Variants in ZFC3H1 observed in about 807,000 individuals in gnomAD.
The protein encoded by ZFC3H1 is zinc finger C3H1 domain-containing protein.
Under a neutral mutation model 243.7 loss-of-function variants are expected in ZFC3H1, and 71 were observed. The ratio of observed to expected loss-of-function variants is 0.29; its 90% CI spans 0.24 to 0.36. The LOEUF is 0.36. Ranked by LOEUF, ZFC3H1 falls within the 10% of genes least tolerant of loss-of-function variation. The pLI is 1.00. For synonymous variants in ZFC3H1, 838 were observed against 813.0 expected (o/e 1.03, Z -0.52); for missense variants, 1,966 against 2,317.1 (o/e 0.85, Z 3.11).
intron 27 of ZFC3H1, among the ~76,000 whole-genome samples, 197 bp from the exon 28 acceptor site, chr12:71,615,513 TTTTG>T (rs982508071): frequency 5.5e-4 from 83 of 152,232 alleles, no homozygotes; most frequent in East Asian, 1.7e-3. Context: ...AAATGCTTTT[TTTTG>T]TTTGTTTGTT....
chr12:71,627,986 G>C (rs1317768162), intron 20 of ZFC3H1, 52 bp from the exon 21 acceptor site: 6 of 1,526,806 alleles, frequency 3.9e-6, no homozygotes, highest in Non-Finnish European at 5.3e-6. Flanking sequence ...GTCCACAGAT[G>C]CAAGAAAAAG....
Position 71,663,648 on chromosome 12 carries a change from G to A in ZFC3H1, c.-38C>T. ...GCCTTCCACACAACCTTAGCCCTCC[G>A]TCCGGGGATCCGCCCGACAATTGCC... On this transcript the variant is annotated 5_prime_UTR_variant, in exon 1 of 35. It adds an upstream start codon to the 5' untranslated region. Coordinates refer to ENST00000378743, the MANE Select transcript of ZFC3H1 (RefSeq NM_144982.5). 1.9e-6 allele frequency: 3 copies of A among 1,578,962 alleles called. No homozygotes were observed. The highest frequency in any genetic ancestry group is 2.3e-5 in the South Asian group (2 of 88,618).
At chr12:71,638,837 AC>A (rs200965157) in intron 6 of ZFC3H1, among the ~76,000 whole-genome samples, 2,747 of 152,244 alleles carry the variant, frequency 0.018, 69 homozygotes, top group African/African-American at 0.062. Flanking sequence ...ACAAAAAAAA[AC>A]ACAAGCATAT....
intron 1 of ZFC3H1, 147 bp from the exon 2 acceptor site, chr12:71,657,448 T>C: frequency 2.9e-6 from 2 of 700,004 alleles, no homozygotes; most frequent in Non-Finnish European, 4.5e-6. Flanking sequence ...TTCCATTTAA[T>C]GTATGTGCAG....
Position 71,632,050 on chromosome 12 carries a change from C to T in ZFC3H1, c.3282G>A (p.Leu1094=). Reference sequence around the variant, plus strand: ...GTTTTAGGCTGTCAGCTTTTGAATACAATTTTTGCAATTCACCAATTTTTA... The same window carrying T: ...GTTTTAGGCTGTCAGCTTTTGAATATAATTTTTGCAATTCACCAATTTTTA... ...LGLKIGELQK[L]YSKADSLKQL... The change falls in exon 15 of 35, where the codon TTG becomes TTA. Residue 1094 remains leucine (L), a synonymous_variant. Transcript: ENST00000378743. 6.2e-7 allele frequency: 1 copy of T among 1,609,128 alleles called. No homozygotes were observed. Among genetic ancestry groups the T allele is most frequent in the Non-Finnish European group, 8.5e-7 (1 of 1,178,692 alleles).
At chr12:71,616,360 C>G (rs1297374946) in intron 27 of ZFC3H1, among the ~76,000 whole-genome samples, 1 of 152,162 alleles carries the variant, frequency 6.6e-6, no homozygotes, top group African/African-American at 2.4e-5. Flanking sequence ...GCCATACACA[C>G]ATACAACCCA....
chr12:71,641,619 T>C (rs140567645), intron 6 of ZFC3H1, among the ~76,000 whole-genome samples: 19 of 152,346 alleles, frequency 1.2e-4, no homozygotes, highest in African/African-American at 4.6e-4. Flanking sequence ...TTCTAGACTA[T>C]GCAACCTAAA....
At chr12:71,656,366 T>G (rs2137562708) in intron 2 of ZFC3H1, 1 of 449,820 alleles carries the variant, frequency 2.2e-6, no homozygotes, top group Non-Finnish European at 3.9e-6. Context: ...TATCATAAAC[T>G]GTATTAAACG....
intron 17 of ZFC3H1, 39 bp from the exon 18 acceptor site, chr12:71,630,760 A>C: frequency 1.1e-5 from 17 of 1,609,346 alleles, no homozygotes; most frequent in Non-Finnish European, 1.4e-5. Context: ...AATCATGTAC[A>C]TATCAAAGTT....
In ZFC3H1 at chr12:71,611,176, A is replaced by G. The variant is rs1879760034; in HGVS notation, c.5730-79T>C. 3 of 1,375,986 alleles carry G rather than the reference A, an allele frequency of 2.2e-6. No homozygotes were observed. In the African/African-American group the frequency reaches 4.5e-5, roughly 21 times the overall value. 85.2% of individuals were successfully genotyped at this position (1,375,986 alleles called of 1,614,324 possible). ...ATATCTTTGAACAAAATGAAACACC[A>G]CCACTGGCAGAATACTGACTGTGGG... is the stretch of plus-strand genomic sequence containing the variant. On this transcript the variant is annotated intron_variant, in intron 32 of 34. Transcript: ENST00000378743.
intron 6 of ZFC3H1, among the ~76,000 whole-genome samples, chr12:71,639,726 C>T (rs1319536374): frequency 6.6e-6 from 1 of 152,142 alleles, no homozygotes; most frequent in Non-Finnish European, 1.5e-5. Flanking sequence ...AGAGGGTGCC[C>T]TCAGCAAGAG....
At chr12:71,613,918 A>C (rs1471521105) in intron 30 of ZFC3H1, among the ~76,000 whole-genome samples, 3 of 152,204 alleles carry the variant, frequency 2.0e-5, no homozygotes, top group Non-Finnish European at 4.4e-5. Context: ...TATATGTTTT[A>C]GTCTACAATG....
chr12:71,638,555 T>G, intron 6 of ZFC3H1, 40 bp from the exon 7 acceptor site: 2 of 1,449,152 alleles, frequency 1.4e-6, no homozygotes, highest in African/African-American at 2.8e-5. Flanking sequence ...ATAACAGAAA[T>G]ACTTCATCAG....
At chr12:71,647,654 T>C (rs1354760822) in intron 3 of ZFC3H1, 95 bp downstream of exon 3, 1 of 668,826 alleles carries the variant, frequency 1.5e-6, no homozygotes, top group Non-Finnish European at 2.5e-6. Context: ...AGAAAATAAG[T>C]GAAAGTAAGA....
At chr12:71,626,038 CA>C (rs1225253529) in intron 22 of ZFC3H1, among the ~76,000 whole-genome samples, 1 of 151,516 alleles carries the variant, frequency 6.6e-6, no homozygotes. Flanking sequence ...TTAACAACAA[CA>C]AAAAAATCAC....
chr12:71,626,775 C>A (rs1029718594), intron 21 of ZFC3H1, among the ~76,000 whole-genome samples: 13 of 152,276 alleles, frequency 8.5e-5, no homozygotes, highest in African/African-American at 3.1e-4. Flanking sequence ...TGATTTACAC[C>A]ATTTGGGAAT....
chr12:71,610,297 G>T lies in ZFC3H1; in HGVS notation c.*131C>A. 9.1e-7 allele frequency: 1 copy of T among 1,097,052 alleles called. No individual in the cohort carries two copies. The highest frequency in any genetic ancestry group is 1.3e-6 in the Non-Finnish European group (1 of 768,030). The allele number at this position is 1,097,052 out of a possible 1,614,324, so 68.0% of individuals were successfully genotyped here. A position where few individuals can be genotyped will look rare whatever the true frequency, so the allele number is the denominator to read the frequency against. On this transcript the variant is annotated 3_prime_UTR_variant, in exon 35 of 35. Coordinates refer to ENST00000378743, the MANE Select transcript of ZFC3H1 (RefSeq NM_144982.5). The stretch of plus-strand genomic sequence containing the variant: ...CGGTTTTGAGGACAGGATATTGTAG[G>T]GAACTTGATATGATCAATAACGCTT...
intron 1 of ZFC3H1, among the ~76,000 whole-genome samples, chr12:71,661,283 G>C (rs1881167653): frequency 6.6e-6 from 1 of 151,748 alleles, no homozygotes; most frequent in Non-Finnish European, 1.5e-5. Flanking sequence ...CTGGGCGACA[G>C]AGCGAGACTC....
At chr12:71,623,851 T>TACTAA (rs1880092015) in intron 23 of ZFC3H1, among the ~76,000 whole-genome samples, 1 of 152,186 alleles carries the variant, frequency 6.6e-6, no homozygotes, top group Admixed American at 6.5e-5. Flanking sequence ...TCTTGAAGTT[T>TACTAA]ACCTGTGGAT....
Sources: gnomAD v4.1 joint callset for allele counts (sites outside exome capture counted in the v4.1 genomes callset) on GRCh38, gnomAD v4.1.1 for gene constraint, MANE v1.5 for transcripts, NCBI Gene and HGNC (gene_info 2026-07-23, HGNC 2026-07-21) for gene names.